Variants in SLC36A2 observed in about 807,000 individuals in gnomAD.
The protein encoded by SLC36A2 is solute carrier family 36 member 2, also known as proton-coupled amino acid transporter 2.
In SLC36A2, 39 loss-of-function variants were observed where a neutral mutation model predicts 42.7. The observed-to-expected ratio is 0.91, with a 90% confidence interval of 0.71 to 1.19. SLC36A2 has a LOEUF of 1.19. SLC36A2 is among the 50% of genes most tolerant of loss of function. SLC36A2 has a pLI of 0.00. For synonymous variants in SLC36A2, 237 were observed against 240.8 expected (o/e 0.98, Z 0.15); for missense variants, 590 against 613.7 (o/e 0.96, Z 0.41).
At chr5:151,341,462 C>G (rs1756344039) in intron 4 of SLC36A2, among the ~76,000 whole-genome samples, 1 of 152,102 alleles carries the variant, frequency 6.6e-6, no homozygotes, top group Admixed American at 6.5e-5. Flanking sequence ...AAGCACAGTT[C>G]AAAAGAGAAT....
intron 7 of SLC36A2, chr5:151,332,583 G>T: frequency 2.8e-6 from 1 of 351,464 alleles, no homozygotes. Context: ...AATTTAAAAT[G>T]CATTAGGCTA....
At chr5:151,333,354 A>AC in intron 6 of SLC36A2, 32 bp from the exon 7 acceptor site, 1 of 1,571,794 alleles carries the variant, frequency 6.4e-7, no homozygotes, top group Non-Finnish European at 8.8e-7. Flanking sequence ...TGAGACAGTC[A>AC]CTCTTAAAGC....
At chr5:151,341,395 C>T (rs530008279) in intron 4 of SLC36A2, among the ~76,000 whole-genome samples, 1 of 152,104 alleles carries the variant, frequency 6.6e-6, no homozygotes, top group African/African-American at 2.4e-5. Flanking sequence ...CCCATGATAC[C>T]ATACAGACTA....
In SLC36A2 at chr5:151,315,105, T is replaced by C. The variant is rs909593071; in HGVS notation, c.*1712A>G. ...GATGGCTTTACTCGTGTCTGGAAGT[T>C]GGTAGGCTGGTTGATCTGCGGACAG... On this transcript the variant is annotated 3_prime_UTR_variant, in exon 10 of 10. Transcript: ENST00000335244. The C allele has an allele frequency of 6.6e-6, 1 of 152,662 alleles. No individual in the cohort carries two copies. The highest frequency in any genetic ancestry group is 1.5e-5 in the Non-Finnish European group (1 of 68,074). The allele number at this position is 152,662 out of a possible 1,614,324, so 9.5% of individuals were successfully genotyped here. A position where few individuals can be genotyped will look rare whatever the true frequency, so the allele number is the denominator to read the frequency against.
chr5:151,345,290 C>G (rs1170351826), intron 1 of SLC36A2, among the ~76,000 whole-genome samples: 1 of 152,124 alleles, frequency 6.6e-6, no homozygotes, highest in East Asian at 1.9e-4. Context: ...CAGAGGTACT[C>G]TGAAAGGAGC....
chr5:151,339,758 G>C (rs1047219102), intron 4 of SLC36A2, among the ~76,000 whole-genome samples: 7 of 152,214 alleles, frequency 4.6e-5, no homozygotes, highest in Non-Finnish European at 8.8e-5. Context: ...GGGACAGCAG[G>C]CACAATGTTT....
rs2127294523 is a variant in SLC36A2, at chr5:151,335,353, G to T, written c.720C>A (p.Val240=). The T allele has an allele frequency of 1.2e-6, 2 of 1,613,524 alleles. No individual in the cohort carries two copies. The highest frequency in any genetic ancestry group is 2.2e-5 in the South Asian group (2 of 90,952). Residue 240 remains valine, a synonymous_variant, in exon 6 of 10, where the codon GTC becomes GTA. Transcript: ENST00000335244. ...CCTGGGTAATGTACTGTATGATGAT[G>T]ACCAAGCTGACCAGCATGCTGATGT... ...LANISMLVSL[V]IIIQYITQEI...
intron 8 of SLC36A2, 39 bp from the exon 9 acceptor site, chr5:151,322,254 G>A: frequency 2.5e-6 from 4 of 1,610,620 alleles, no homozygotes; most frequent in Non-Finnish European, 3.4e-6. Context: ...CACGGCCACT[G>A]TGTTCTGACA....
intron 6 of SLC36A2, among the ~76,000 whole-genome samples, chr5:151,334,793 A>C (rs1229262962): frequency 6.6e-6 from 1 of 152,212 alleles, no homozygotes; most frequent in African/African-American, 2.4e-5. Context: ...CATCAAAGAC[A>C]TTATAACTAA....
intron 6 of SLC36A2, among the ~76,000 whole-genome samples, chr5:151,334,676 T>C (rs1756096059): frequency 6.6e-6 from 1 of 152,078 alleles, no homozygotes; most frequent in Admixed American, 6.6e-5. Context: ...GGGTGAAAGA[T>C]CGAGAGTCTG....
intron 6 of SLC36A2, among the ~76,000 whole-genome samples, chr5:151,335,093 A>G (rs1436097429): frequency 6.6e-6 from 1 of 152,176 alleles, no homozygotes; most frequent in Non-Finnish European, 1.5e-5. Flanking sequence ...TTTTTTTAAA[A>G]AAGCCAGAAT....
chr5:151,340,118 AGGAGG>A, intron 4 of SLC36A2, among the ~76,000 whole-genome samples: 1 of 103,924 alleles, frequency 9.6e-6, no homozygotes, highest in African/African-American at 1.5e-4. Flanking sequence ...GAGGAAGAAG[AGGAGG>A]AGAAGGAGGA....
intron 9 of SLC36A2, among the ~76,000 whole-genome samples, chr5:151,317,628 G>C (rs951271387): frequency 2.0e-5 from 3 of 152,144 alleles, no homozygotes; most frequent in African/African-American, 4.8e-5. Flanking sequence ...AGCTATTCGG[G>C]AGGCTGAGGC....
rs760500387 is a variant in SLC36A2 at position 151,339,003 on chromosome 5, A to G, written c.525+57T>C. On this transcript the variant is annotated intron_variant, in intron 5 of 9. Coordinates refer to ENST00000335244, the MANE Select transcript of SLC36A2 (RefSeq NM_181776.3). ...AGAAGAAGCAGTTTGTCAAACAACT[A>G]GCAGTGGCGTGTCCTTGTCCATCTT... 69 of 1,249,658 alleles carry G rather than the reference A, an allele frequency of 5.5e-5. No individual in the cohort carries two copies. The Admixed American group carries it at 1.2e-3, about 21-fold the overall frequency. 77.4% of individuals were successfully genotyped at this position (1,249,658 alleles called of 1,614,324 possible). A position where few individuals can be genotyped will look rare whatever the true frequency, so the allele number is the denominator to read the frequency against.
intron 4 of SLC36A2, among the ~76,000 whole-genome samples, chr5:151,341,782 C>T (rs1756352219): frequency 6.6e-6 from 1 of 152,146 alleles, no homozygotes; most frequent in Non-Finnish European, 1.5e-5. Flanking sequence ...TGAAGATAGG[C>T]TTAAACCCAT....
rs187187328 is a variant in SLC36A2, at chr5:151,316,059, G to A, written c.*758C>T. 2 of 152,382 alleles carry A rather than the reference G, an allele frequency of 1.3e-5. No individual in the cohort carries two copies. Among genetic ancestry groups the A allele is most frequent in the African/African-American group, 2.4e-5 (1 of 41,580 alleles). 9.4% of individuals were successfully genotyped at this position (152,382 alleles called of 1,614,324 possible). A position where few individuals can be genotyped will look rare whatever the true frequency, so the allele number is the denominator to read the frequency against. ...ACACTGGAGCCGTGCACAACTTTCT[G>A]GCTTGTGGATTATGTGCCCACCCTT... On this transcript the variant is annotated 3_prime_UTR_variant, in exon 10 of 10. Coordinates refer to ENST00000335244, the MANE Select transcript of SLC36A2 (RefSeq NM_181776.3).
At chr5:151,318,462 TA>T (rs1308314524) in intron 9 of SLC36A2, among the ~76,000 whole-genome samples, 1 of 138,270 alleles carries the variant, frequency 7.2e-6, no homozygotes, top group African/African-American at 2.5e-5. Context: ...ATTTATTTTA[TA>T]TATAAATAAA....
intron 8 of SLC36A2, among the ~76,000 whole-genome samples, chr5:151,322,510 A>G (rs1360170752): frequency 6.6e-6 from 1 of 152,220 alleles, no homozygotes; most frequent in East Asian, 1.9e-4. Flanking sequence ...TCTGATGCTC[A>G]ATCTTATGTT....
chr5:151,325,554 G>T, intron 7 of SLC36A2, 102 bp from the exon 8 acceptor site: 1 of 1,204,458 alleles, frequency 8.3e-7, no homozygotes. Flanking sequence ...TGAAAGCAGG[G>T]CCTCAAAGAG....
Sources: allele counts gnomAD v4.1 joint callset (sites outside exome capture counted in the v4.1 genomes callset), GRCh38; gene constraint gnomAD v4.1.1; transcripts MANE v1.5; gene names NCBI Gene and HGNC (gene_info 2026-07-23, HGNC 2026-07-21).